SAMD8: variants seen among roughly 807,000 people sequenced by gnomAD.
SAMD8 encodes sphingomyelin synthase-related protein 1.
In SAMD8, 20 loss-of-function variants were observed where a neutral mutation model predicts 42.0. The observed-to-expected ratio is 0.48, with a 90% CI of 0.34 to 0.69. SAMD8 has a LOEUF of 0.69. SAMD8 is among the 30% of genes least tolerant of loss of function. The pLI is 0.01. For synonymous variants in SAMD8, 162 were observed against 173.0 expected (o/e 0.94, Z 0.50); for missense variants, 328 against 511.6 (o/e 0.64, Z 3.46).
At chr10:75,155,173 T>G (rs1056122074) in intron 2 of SAMD8, among the ~76,000 whole-genome samples, 3 of 152,148 alleles carry the variant, frequency 2.0e-5, no homozygotes, top group Admixed American at 6.6e-5. Flanking sequence ...ATTGTAGGTG[T>G]GAGCTACCAC....
chr10:75,142,769 G>A (rs1840048900), intron 1 of SAMD8, among the ~76,000 whole-genome samples: 1 of 152,104 alleles, frequency 6.6e-6, no homozygotes, highest in Non-Finnish European at 1.5e-5. Context: ...GCCGGGTGCA[G>A]TGCCTCCCAT....
intron 2 of SAMD8, among the ~76,000 whole-genome samples, chr10:75,153,953 G>A (rs1447017613): frequency 6.6e-6 from 1 of 152,004 alleles, no homozygotes; most frequent in East Asian, 1.9e-4. Flanking sequence ...TTTTAGTAGA[G>A]ACAAGGTTTC....
At chr10:75,115,447 G>A (rs999685827) in intron 1 of SAMD8, among the ~76,000 whole-genome samples, 2 of 152,146 alleles carry the variant, frequency 1.3e-5, no homozygotes, top group African/African-American at 4.8e-5. Flanking sequence ...ACATGCTACC[G>A]CTGTTGCTTC....
intron 1 of SAMD8, chr10:75,105,597 A>C: frequency 7.1e-7 from 1 of 1,416,258 alleles, no homozygotes; most frequent in Non-Finnish European, 9.7e-7. Flanking sequence ...CTATGTCTGC[A>C]GCCTAGGCCC....
intron 2 of SAMD8, among the ~76,000 whole-genome samples, chr10:75,156,578 A>G (rs912809374): frequency 6.6e-6 from 1 of 152,220 alleles, no homozygotes; most frequent in Non-Finnish European, 1.5e-5. Flanking sequence ...CAGTGGGACA[A>G]ACAGACATTA....
At chr10:75,119,354 T>C (rs1037765757) in intron 1 of SAMD8, among the ~76,000 whole-genome samples, 2 of 151,902 alleles carry the variant, frequency 1.3e-5, no homozygotes, top group African/African-American at 4.8e-5. Flanking sequence ...ACGGGGTTTC[T>C]CCATGTTGGT....
chr10:75,164,075 G>A (rs562052987), intron 2 of SAMD8, among the ~76,000 whole-genome samples: 7 of 152,196 alleles, frequency 4.6e-5, no homozygotes, highest in Non-Finnish European at 1.0e-4. Flanking sequence ...AGTTAGCCAG[G>A]CATAGTTTCA....
intron 4 of SAMD8, among the ~76,000 whole-genome samples, chr10:75,175,247 T>C (rs1184783177): frequency 6.6e-6 from 1 of 152,214 alleles, no homozygotes; most frequent in Non-Finnish European, 1.5e-5. Flanking sequence ...CACACCTAGC[T>C]ACAAGGGAGG....
At chr10:75,154,052 C>G (rs1262027438) in intron 2 of SAMD8, among the ~76,000 whole-genome samples, 1 of 152,198 alleles carries the variant, frequency 6.6e-6, no homozygotes, top group Non-Finnish European at 1.5e-5. Flanking sequence ...AGGTGTGAGC[C>G]ACCATGCCCG....
intron 1 of SAMD8, among the ~76,000 whole-genome samples, chr10:75,115,504 C>T (rs1416921985): frequency 1.3e-5 from 2 of 152,120 alleles, no homozygotes; most frequent in Non-Finnish European, 1.5e-5. Context: ...TGTAACAGAC[C>T]TGTGATGTGA....
chr10:75,109,600 A>G (rs1222395772), upstream of SAMD8, among the ~76,000 whole-genome samples: 1 of 152,118 alleles, frequency 6.6e-6, no homozygotes, highest in Non-Finnish European at 1.5e-5. Context: ...GGCTGGTTCC[A>G]AGGATGAATG....
intron 1 of SAMD8, chr10:75,105,830 A>G (rs761792119): frequency 2.2e-5 from 34 of 1,550,594 alleles, no homozygotes; most frequent in Non-Finnish European, 4.4e-6. Flanking sequence ...AGCGTGGCAG[A>G]GCGGCTCACG....
chr10:75,119,869 C>T (rs1268845057), intron 1 of SAMD8, among the ~76,000 whole-genome samples: 1 of 152,160 alleles, frequency 6.6e-6, no homozygotes, highest in Non-Finnish European at 1.5e-5. Context: ...AGTTCAAGAC[C>T]AGCCTGGCCA....
chr10:75,152,625 G>A (rs1340989722), intron 2 of SAMD8, among the ~76,000 whole-genome samples: 3 of 152,176 alleles, frequency 2.0e-5, no homozygotes, highest in Admixed American at 6.5e-5. Flanking sequence ...GGCCCAGGTG[G>A]GAGGATTGCT....
chr10:75,136,497 A>C (rs982295637), intron 1 of SAMD8, among the ~76,000 whole-genome samples: 1 of 152,136 alleles, frequency 6.6e-6, no homozygotes, highest in African/African-American at 2.4e-5. Context: ...TGAAGCCTTG[A>C]CCTTTGGGTA....
At chr10:75,169,603 GTCC>G (rs1355797234) in intron 4 of SAMD8, among the ~76,000 whole-genome samples, 1 of 151,100 alleles carries the variant, frequency 6.6e-6, no homozygotes, top group Non-Finnish European at 1.5e-5. Context: ...TTCCTTCACT[GTCC>G]TCCTCACTCC....
chr10:75,176,260 T>G lies in SAMD8; in HGVS notation c.943+44T>G. The stretch of plus-strand genomic sequence containing the variant: ...CTTCTATGCGTATTAGGTAACTAGC[T>G]GCAGTGAAGGCTGTGGGAAGGGTGT... On this transcript the variant is annotated intron_variant, in intron 5 of 5. Coordinates refer to ENST00000542569, the MANE Select transcript of SAMD8 (RefSeq NM_001174156.2). The surrounding 1 kb of genome is among the most constrained non-coding windows in gnomAD (Gnocchi z 4.3). The G allele has an allele frequency of 1.2e-6, 2 of 1,614,008 alleles. No homozygotes were observed. Among genetic ancestry groups the G allele is most frequent in the Non-Finnish European group, 1.7e-6 (2 of 1,179,902 alleles).
At chr10:75,153,758 TAA>T (rs200417365) in intron 2 of SAMD8, among the ~76,000 whole-genome samples, 28,474 of 151,560 alleles carry the variant, frequency 0.19, 2,908 homozygotes, top group East Asian at 0.26. Context: ...AAAACTATAG[TAA>T]AGAGGTTTTT....
At chr10:75,152,258 C>T (rs1840306735) in intron 2 of SAMD8, among the ~76,000 whole-genome samples, 1 of 151,344 alleles carries the variant, frequency 6.6e-6, no homozygotes, top group Non-Finnish European at 1.5e-5. Flanking sequence ...CGCGGTGGCT[C>T]ACGCCTGTAA....
Sources: gnomAD v4.1 joint callset for allele counts (sites outside exome capture counted in the v4.1 genomes callset) on GRCh38, gnomAD v4.1.1 for gene constraint, Gnocchi (gnomAD v3.1) non-coding constraint, MANE v1.5 for transcripts, NCBI Gene and HGNC (gene_info 2026-07-23, HGNC 2026-07-21) for gene names.